The following PGF variants were observed in gnomAD, a reference collection of about 807,000 sequenced individuals.
PGF encodes placenta growth factor.
Under a neutral mutation model 25.3 loss-of-function variants are expected in PGF, and 11 were observed. That is an observed-to-expected ratio of 0.43 (90% CI 0.27 to 0.72). The LOEUF is 0.72. Among genes scored for constraint, PGF ranks in the 30% least tolerant of loss-of-function variants. The pLI is 0.18. For missense variants in PGF, 230 were observed against 234.9 expected (o/e 0.98, Z 0.14); for synonymous variants, 105 against 97.9 (o/e 1.07, Z -0.43).
At chr14:74,951,458 C>T (rs1888870305) in intron 2 of PGF, among the ~76,000 whole-genome samples, 2 of 152,206 alleles carry the variant, frequency 1.3e-5, no homozygotes, top group Non-Finnish European at 2.9e-5. Flanking sequence ...TTAATCTCCA[C>T]CTTGGAAAAC....
Position 74,955,237 on chromosome 14 carries a change from C to G in PGF, c.6G>C (p.Pro2=). The G allele has an allele frequency of 2.7e-6, 4 of 1,472,002 alleles. No individual in the cohort carries two copies. The highest frequency in any genetic ancestry group is 3.6e-6 in the Non-Finnish European group (4 of 1,102,658). The allele number at this position is 1,472,002 out of a possible 1,614,324, so 91.2% of individuals were successfully genotyped here. The change falls in exon 1 of 7, where the codon CCG becomes CCC. Residue 2 remains proline (P), a synonymous_variant. Coordinates refer to ENST00000555567, the MANE Select transcript of PGF (RefSeq NM_002632.6). The surrounding 1 kb of genome is among the most constrained non-coding windows in gnomAD (Gnocchi z 4.1). ...GGAAGCAAGGGAACAGCCTCATGAC[C>G]GGCATCTTCTCAGACGTCCCGAGCC... The part of the protein sequence containing the change: M[P]VMRLFPCFLQ...
intron 3 of PGF, among the ~76,000 whole-genome samples, 183 bp downstream of exon 3, chr14:74,949,174 G>C (rs1418195919): frequency 6.6e-6 from 1 of 152,186 alleles, no homozygotes; most frequent in Non-Finnish European, 1.5e-5. Context: ...TGCTGGTGGG[G>C]GTGGAGATGA....
intron 3 of PGF, 123 bp from the exon 4 acceptor site, chr14:74,948,706 T>A (rs1294305609): frequency 1.8e-6 from 1 of 565,700 alleles, no homozygotes; most frequent in Non-Finnish European, 3.1e-6. Flanking sequence ...CTACAGGCCC[T>A]CACTCCACTC....
intron 4 of PGF, chr14:74,947,714 C>G (rs1416957180): frequency 6.6e-6 from 1 of 152,280 alleles, no homozygotes; most frequent in Non-Finnish European, 1.5e-5. Flanking sequence ...GAGAAACATT[C>G]AAGTGCCTCC....
chr14:74,943,905 A>G (rs563758027), intron 6 of PGF, among the ~76,000 whole-genome samples: 104 of 152,294 alleles, frequency 6.8e-4, no homozygotes, highest in African/African-American at 2.4e-3. Flanking sequence ...TCAAACTCAT[A>G]TATCATTTTT....
chr14:74,946,920 T>C lies in PGF; in HGVS notation c.393-512A>G, dbSNP rs1320644737. 4.0e-6 allele frequency: 3 copies of C among 741,600 alleles called. No individual in the cohort carries two copies. In the South Asian group the frequency reaches 4.1e-5, roughly 10 times the overall value. 45.9% of individuals were successfully genotyped at this position (741,600 alleles called of 1,614,324 possible). A position where few individuals can be genotyped will look rare whatever the true frequency, so the allele number is the denominator to read the frequency against. ...GCATCAGCCCTGAAGTCACCAGGCA[T>C]GTCTGGGCTCTGCCTCCCAGGGCTG... On this transcript the variant is annotated intron_variant, in intron 4 of 6. Transcript: ENST00000555567.
Position 74,955,125 on chromosome 14 carries a change from T to G in PGF, c.75+43A>C. The G allele has an allele frequency of 8.8e-7, 1 of 1,137,412 alleles. No homozygotes were observed. The highest frequency in any genetic ancestry group is 1.2e-6 in the Non-Finnish European group (1 of 831,920). 70.5% of individuals were successfully genotyped at this position (1,137,412 alleles called of 1,614,324 possible). A position where few individuals can be genotyped will look rare whatever the true frequency, so the allele number is the denominator to read the frequency against. On this transcript the variant is annotated intron_variant, in intron 1 of 6. Coordinates refer to ENST00000555567, the MANE Select transcript of PGF (RefSeq NM_002632.6). The surrounding 1 kb of genome is among the most constrained non-coding windows in gnomAD (Gnocchi z 4.1). Reference sequence around the variant, plus strand: ...GAGTCCCATGCTTCCAGTGCTGGGATGGGGAGGTCTGGGGAGCCAGGCTAG... The same window carrying G: ...GAGTCCCATGCTTCCAGTGCTGGGAGGGGGAGGTCTGGGGAGCCAGGCTAG...
chr14:74,946,804 C>T, intron 4 of PGF: 1 of 731,418 alleles, frequency 1.4e-6, no homozygotes, highest in South Asian at 1.4e-5. Flanking sequence ...GAGATGATGG[C>T]CAGACAGCGG....
At position 74,948,636 on chromosome 14, in the gene PGF, G is replaced by T. The variant is rs61759380; in HGVS notation, c.316-53C>A. ...ATTGGGGAGTGGCCCACGAGTTTCC[G>T]GCACTCTTCTCTCTCTCCTTGTAAG... On this transcript the variant is annotated intron_variant, in intron 3 of 6. Transcript: ENST00000555567. 7,271 of 1,174,396 alleles carry T rather than the reference G, an allele frequency of 6.2e-3. 352 individuals carry two copies. The African/African-American group carries it at 0.1, about 16-fold the overall frequency. 72.7% of individuals were successfully genotyped at this position (1,174,396 alleles called of 1,614,324 possible).
At chr14:74,949,225 C>A (rs1888814355) in intron 3 of PGF, 132 bp downstream of exon 3, 4 of 671,360 alleles carry the variant, frequency 6.0e-6, no homozygotes, top group Non-Finnish European at 9.5e-6. Flanking sequence ...AGAAGAGGCC[C>A]TGGGCTGGGG....
chr14:74,954,636 C>T (rs985556658), intron 1 of PGF, among the ~76,000 whole-genome samples: 1 of 152,130 alleles, frequency 6.6e-6, no homozygotes, highest in African/African-American at 2.4e-5. Flanking sequence ...TCAGGACCTC[C>T]GGCCACCCAC....
At position 74,946,202 on chromosome 14, in the gene PGF, C is replaced by G. The variant is rs761684977; in HGVS notation, c.485+11G>C. On this transcript the variant is annotated intron_variant, in intron 6 of 6. Coordinates refer to ENST00000555567, the MANE Select transcript of PGF (RefSeq NM_002632.6). ...AGCCTCCTCGCCATCCCTGGGACCCCGCACACTCACAGGTGGCAGTCTGTG... is the reference window on the plus strand; with the variant it reads ...AGCCTCCTCGCCATCCCTGGGACCCGGCACACTCACAGGTGGCAGTCTGTG... The G allele has an allele frequency of 1.9e-6, 3 of 1,613,170 alleles. No homozygotes were observed. In the South Asian group the frequency reaches 3.3e-5, roughly 18 times the overall value.
At chr14:74,954,567 C>A (rs1403098511) in intron 1 of PGF, among the ~76,000 whole-genome samples, 1 of 152,154 alleles carries the variant, frequency 6.6e-6, no homozygotes, top group African/African-American at 2.4e-5. Context: ...AGCTGGCTCC[C>A]AGCCAGACTC....
At chr14:74,949,299 C>T in intron 3 of PGF, 58 bp downstream of exon 3, 1 of 1,355,480 alleles carries the variant, frequency 7.4e-7, no homozygotes, top group Non-Finnish European at 9.9e-7. Flanking sequence ...CTTCTTCCCT[C>T]TCCAGGTACC....
At position 74,950,081 on chromosome 14, in the gene PGF, C is replaced by T. The variant is rs61759376; in HGVS notation, c.119-528G>A. Reference sequence around the variant, plus strand: ...CAATGTGGCCCGACCCTCCTCTCCACTGAGTCCAACCAGCGCTCACACTGA... The same window carrying T: ...CAATGTGGCCCGACCCTCCTCTCCATTGAGTCCAACCAGCGCTCACACTGA... On this transcript the variant is annotated intron_variant, in intron 2 of 6. Transcript: ENST00000555567. This position sits in a 1 kb window ranked among gnomAD's most constrained non-coding sequence, Gnocchi z 4.1. Among the ~76,000 whole-genome samples the T allele has an allele frequency of 0.075, 11,371 of 152,196 alleles. 1,377 individuals are homozygous for T. Among genetic ancestry groups the T allele is most frequent in the African/African-American group, 0.25 (10,557 of 41,438 alleles).
At chr14:74,954,173 T>G in intron 1 of PGF, 1 of 574,992 alleles carries the variant, frequency 1.7e-6, no homozygotes, top group Non-Finnish European at 3.1e-6. Flanking sequence ...TGGAAAAGGA[T>G]GGGAGGCTAG....
At chr14:74,947,657 C>A (rs1888771219) in intron 4 of PGF, 1 of 152,266 alleles carries the variant, frequency 6.6e-6, no homozygotes, top group Non-Finnish European at 1.5e-5. Context: ...CCCATCAGGA[C>A]AATGCCTGGC....
At chr14:74,949,133 C>T (rs1193199875) in intron 3 of PGF, among the ~76,000 whole-genome samples, 1 of 152,182 alleles carries the variant, frequency 6.6e-6, no homozygotes, top group Admixed American at 6.5e-5. Context: ...CACCCTGAGT[C>T]TTGGGATAGG....
chr14:74,949,984 C>A (rs1179968349), intron 2 of PGF, among the ~76,000 whole-genome samples: 1 of 152,136 alleles, frequency 6.6e-6, no homozygotes, highest in Non-Finnish European at 1.5e-5. Context: ...GCTCAAACAC[C>A]TTCCACGGCT....
Sources: gnomAD v4.1 joint callset for allele counts (sites outside exome capture counted in the v4.1 genomes callset) on GRCh38, gnomAD v4.1.1 for gene constraint, Gnocchi (gnomAD v3.1) non-coding constraint, MANE v1.5 for transcripts, NCBI Gene and HGNC (gene_info 2026-07-23, HGNC 2026-07-21) for gene names.